The following PIK3C3 variants were observed in gnomAD, a reference collection of about 807,000 sequenced individuals.
PIK3C3 encodes PI3-kinase type 3.
PIK3C3 carries 95 observed loss-of-function variants against 126.1 expected under a neutral mutation model. That is an observed-to-expected ratio of 0.75 (90% confidence interval 0.64 to 0.89). The LOEUF (loss-of-function observed/expected upper bound fraction) is 0.89, where lower values mean the gene tolerates loss of function less well. Ranked by LOEUF, PIK3C3 falls within the 40% of genes least tolerant of loss-of-function variation. The pLI is 0.00. For synonymous variants in PIK3C3, 374 were observed against 360.0 expected, an observed-to-expected ratio of 1.04 and a Z score of -0.44; for missense variants, 829 against 1,063.2, an observed-to-expected ratio of 0.78 and a Z score of 3.06.
chr18:42,001,191 G>A (rs1178111047), intron 9 of PIK3C3, among the ~76,000 whole-genome samples: 1 of 152,172 alleles, frequency 6.6e-6, no homozygotes, highest in African/African-American at 2.4e-5. Context: ...AACATTTGAT[G>A]TCAACATCGA....
At chr18:42,077,647 C>T (rs1051838894) in intron 24 of PIK3C3, among the ~76,000 whole-genome samples, 1 of 152,216 alleles carries the variant, frequency 6.6e-6, no homozygotes, top group Non-Finnish European at 1.5e-5. Flanking sequence ...GTTTCCACCA[C>T]ATCTGCAATT....
intron 19 of PIK3C3, among the ~76,000 whole-genome samples, chr18:42,043,241 G>C (rs1984406014): frequency 6.6e-6 from 1 of 151,826 alleles, no homozygotes; most frequent in South Asian, 2.1e-4. Context: ...TGGGACTACA[G>C]GTGCCTGCCA....
chr18:41,970,826 A>T, intron 4 of PIK3C3: 1 of 344,602 alleles, frequency 2.9e-6, no homozygotes, highest in Non-Finnish European at 5.3e-6. Context: ...ATTTCATATA[A>T]ATGGAATCAT....
intron 4 of PIK3C3, among the ~76,000 whole-genome samples, chr18:41,977,413 A>C (rs995879812): frequency 6.6e-6 from 1 of 152,194 alleles, no homozygotes; most frequent in Non-Finnish European, 1.5e-5. Context: ...CCCCTTAGTA[A>C]GTATACAAGA....
chr18:41,992,468 A>T (rs1568126001), intron 6 of PIK3C3, among the ~76,000 whole-genome samples: 1 of 152,196 alleles, frequency 6.6e-6, no homozygotes, highest in Non-Finnish European at 1.5e-5. Context: ...AATTGAAAAC[A>T]TACTAGCATT....
rs1318986021 is a variant in PIK3C3, at chr18:42,015,495, C to G, written c.1345C>G (p.Pro449Ala). 1.2e-6 allele frequency: 2 copies of G among 1,613,410 alleles called. No homozygotes were observed. Among genetic ancestry groups the G allele is most frequent in the Admixed American group, 3.3e-5 (2 of 59,978 alleles). ...EIDSSQIITS[P>A]LPSVSSPPPA... ...TTTCAGCTCCCAAATTATAACCAGC[C>G]CCCTTCCTTCAGTCTCTTCACCTCC... Residue 449 changes from proline to alanine, a missense_variant, in exon 12 of 25, where the codon CCC becomes GCC. By Grantham distance (27) the Pro-to-Ala change is conservative (BLOSUM62 -1). Transcript: ENST00000262039.
chr18:42,052,444 A>T (rs1024964024), intron 21 of PIK3C3, among the ~76,000 whole-genome samples: 1 of 152,168 alleles, frequency 6.6e-6, no homozygotes, highest in African/African-American at 2.4e-5. Context: ...CTGCTCTGTA[A>T]TTATTTCATC....
At chr18:41,956,485 A>G (rs1979778471) in intron 1 of PIK3C3, among the ~76,000 whole-genome samples, 1 of 151,402 alleles carries the variant, frequency 6.6e-6, no homozygotes, top group Admixed American at 6.6e-5. Flanking sequence ...TCTTGGATAT[A>G]TGAATGCATT....
chr18:42,072,691 CCAGCTAATT>C (rs1407621521), intron 24 of PIK3C3, among the ~76,000 whole-genome samples: 1 of 151,942 alleles, frequency 6.6e-6, no homozygotes, highest in Non-Finnish European at 1.5e-5. Context: ...ACCACCATAC[CCAGCTAATT>C]TTTAATTTAT....
chr18:42,000,678 G>T (rs562592571), intron 9 of PIK3C3, among the ~76,000 whole-genome samples: 8 of 152,240 alleles, frequency 5.3e-5, no homozygotes, highest in Admixed American at 1.3e-4. Flanking sequence ...TCATGTGACT[G>T]GGGAGGCCTC....
At chr18:42,014,033 G>T (rs1414950427) in intron 11 of PIK3C3, among the ~76,000 whole-genome samples, 1 of 151,990 alleles carries the variant, frequency 6.6e-6, no homozygotes, top group Admixed American at 6.6e-5. Context: ...AGGAGCAGGT[G>T]TGGTGGCTCA....
intron 18 of PIK3C3, among the ~76,000 whole-genome samples, chr18:42,039,983 A>T (rs1984232832): frequency 6.6e-6 from 1 of 152,122 alleles, no homozygotes; most frequent in African/African-American, 2.4e-5. Context: ...GTGCATGCAA[A>T]TTATTATCCT....
chr18:42,064,724 T>C lies in PIK3C3; in HGVS notation c.2433-16T>C. ...TCTTAATCGTTGCTATTTTTTTCTT[T>C]TCTGCTCTTCTTTAGGTATTCTAAT... On this transcript the variant is annotated splice_polypyrimidine_tract_variant and intron_variant, in intron 22 of 24. Coordinates refer to ENST00000262039, the MANE Select transcript of PIK3C3 (RefSeq NM_002647.4). 7.4e-7 allele frequency: 1 copy of C among 1,343,518 alleles called. No homozygotes were observed. Among genetic ancestry groups the C allele is most frequent in the Non-Finnish European group, 1.1e-6 (1 of 939,794 alleles). 83.2% of individuals were successfully genotyped at this position (1,343,518 alleles called of 1,614,324 possible).
intron 4 of PIK3C3, among the ~76,000 whole-genome samples, chr18:41,981,825 A>G (rs962677442): frequency 6.6e-6 from 1 of 151,482 alleles, no homozygotes; most frequent in Non-Finnish European, 1.5e-5. Flanking sequence ...AAAAAGAAAA[A>G]ATTAGCCAGG....
At chr18:42,015,282 A>G (rs1983019998) in intron 11 of PIK3C3, among the ~76,000 whole-genome samples, 194 bp from the exon 12 acceptor site, 1 of 152,202 alleles carries the variant, frequency 6.6e-6, no homozygotes, top group Non-Finnish European at 1.5e-5. Flanking sequence ...AAATCTCCCA[A>G]GAGGCATTAC....
At chr18:42,017,264 A>T (rs1158499324) in intron 12 of PIK3C3, among the ~76,000 whole-genome samples, 1 of 152,084 alleles carries the variant, frequency 6.6e-6, no homozygotes, top group Admixed American at 6.6e-5. Context: ...CCTTTTTGAC[A>T]CCTGAGCAGT....
chr18:41,956,548 C>CTT (rs57601171), intron 1 of PIK3C3, among the ~76,000 whole-genome samples: 2,822 of 100,124 alleles, frequency 0.028, 42 homozygotes, highest in African/African-American at 0.05. Context: ...AAACCGGTCC[C>CTT]TTTTTTTTTT....
chr18:42,086,707 C>G lies in PIK3C3; in HGVS notation c.*5570C>G, dbSNP rs913789970. 5 of 152,188 alleles carry G rather than the reference C, an allele frequency of 3.3e-5. No homozygotes were observed. Among genetic ancestry groups the G allele is most frequent in the Admixed American group, 2.0e-4 (3 of 15,284 alleles). The allele number at this position is 152,188 out of a possible 1,614,324, so 9.4% of individuals were successfully genotyped here. A position where few individuals can be genotyped will look rare whatever the true frequency, so the allele number is the denominator to read the frequency against. On this transcript the variant is annotated 3_prime_UTR_variant, in exon 25 of 25. Coordinates refer to ENST00000262039, the MANE Select transcript of PIK3C3 (RefSeq NM_002647.4). ...GCCATAACAACATCAGGAAGTTACC[C>G]TATATGGTCTAAAAAGGGGAGGAAC... is the stretch of plus-strand genomic sequence containing the variant.
chr18:41,975,626 T>C (rs1057007873), intron 4 of PIK3C3, among the ~76,000 whole-genome samples: 5 of 152,196 alleles, frequency 3.3e-5, no homozygotes, highest in Admixed American at 6.5e-5. Flanking sequence ...TGTTGATTTC[T>C]TAGTGAACCA....
Sources: allele counts gnomAD v4.1 joint callset (sites outside exome capture counted in the v4.1 genomes callset), GRCh38; gene constraint gnomAD v4.1.1; transcripts MANE v1.5; gene names NCBI Gene and HGNC (gene_info 2026-07-23, HGNC 2026-07-21).